Variants in MIS18A observed in about 807,000 individuals in gnomAD.
MIS18A encodes the protein MIS18 kinetochore protein A.
Under a neutral mutation model 25.0 loss-of-function variants are expected in MIS18A, and 14 were observed. The observed-to-expected ratio is 0.56, with a 90% CI of 0.37 to 0.88. MIS18A has a LOEUF of 0.88. Ranked by LOEUF, MIS18A falls within the 40% of genes least tolerant of loss-of-function variation. The pLI, the probability that MIS18A is intolerant of heterozygous loss-of-function variation, is 0.00. For synonymous variants in MIS18A, 134 were observed against 118.6 expected, an observed-to-expected ratio of 1.13 and a Z score of -0.84; for missense variants, 292 against 290.8, an observed-to-expected ratio of 1.00 and a Z score of -0.03.
At chr21:32,201,252 A>G in the MIS18A span, among the ~76,000 whole-genome samples, 2 of 151,956 alleles carry the variant, frequency 1.3e-5, no homozygotes, top group Non-Finnish European at 2.9e-5. Context: ...TGACCAAAAC[A>G]CTTCCCACCA....
chr21:32,266,245 T>C (rs2031597823), downstream of MIS18A, among the ~76,000 whole-genome samples: 1 of 152,178 alleles, frequency 6.6e-6, no homozygotes, highest in South Asian at 2.1e-4. Flanking sequence ...ATCTAACTAA[T>C]CTGATGGGGA....
the MIS18A span, among the ~76,000 whole-genome samples, chr21:32,226,759 T>C: frequency 2.0e-5 from 3 of 152,276 alleles, no homozygotes; most frequent in East Asian, 1.9e-4. Flanking sequence ...CTAGACCTAA[T>C]AGACATCTAC....
chr21:32,181,770 G>A, the MIS18A span, among the ~76,000 whole-genome samples: 1 of 152,158 alleles, frequency 6.6e-6, no homozygotes, highest in Non-Finnish European at 1.5e-5. Context: ...GGAGATCTCT[G>A]TGCACATCTG....
chr21:32,191,038 T>C, the MIS18A span, among the ~76,000 whole-genome samples: 1 of 152,220 alleles, frequency 6.6e-6, no homozygotes, highest in Admixed American at 6.5e-5. Flanking sequence ...ATATTTTGAA[T>C]GTGTAACCTG....
chr21:32,232,174 T>A, the MIS18A span, among the ~76,000 whole-genome samples: 4 of 152,108 alleles, frequency 2.6e-5, no homozygotes, highest in African/African-American at 9.7e-5. Context: ...TAGCTATATA[T>A]CTAGATATTT....
chr21:32,195,035 C>G, the MIS18A span, among the ~76,000 whole-genome samples: 1 of 151,950 alleles, frequency 6.6e-6, no homozygotes, highest in East Asian at 1.9e-4. Context: ...AACCCTAAAC[C>G]CATTTAAGAG....
At chr21:32,277,630 T>C (rs2031839930) in intron 1 of MIS18A, among the ~76,000 whole-genome samples, 1 of 152,166 alleles carries the variant, frequency 6.6e-6, no homozygotes, top group South Asian at 2.1e-4. Flanking sequence ...TTTTTTATTT[T>C]GGCGAGGCTG....
the MIS18A span, among the ~76,000 whole-genome samples, chr21:32,173,790 C>T: frequency 2.6e-4 from 39 of 151,888 alleles, no homozygotes; most frequent in South Asian, 5.8e-3. Flanking sequence ...TGACTGCTAA[C>T]GGATATGGGG....
the MIS18A span, among the ~76,000 whole-genome samples, chr21:32,178,036 T>A: frequency 8.5e-5 from 13 of 152,168 alleles, no homozygotes; most frequent in African/African-American, 3.1e-4. Flanking sequence ...CTCCTCAGCA[T>A]CCTGAGTAGC....
At chr21:32,232,412 T>C in the MIS18A span, among the ~76,000 whole-genome samples, 2 of 150,744 alleles carry the variant, frequency 1.3e-5, no homozygotes, top group African/African-American at 4.9e-5. Flanking sequence ...TTATATTACA[T>C]ATATCTTTAT....
the MIS18A span, among the ~76,000 whole-genome samples, chr21:32,173,076 A>G: frequency 1.8e-5 from 2 of 109,506 alleles, no homozygotes; most frequent in Non-Finnish European, 1.8e-5. Flanking sequence ...TGATTATGAC[A>G]CCAAAGCATA....
the MIS18A span, among the ~76,000 whole-genome samples, chr21:32,216,747 A>G: frequency 2.6e-5 from 4 of 152,354 alleles, no homozygotes; most frequent in South Asian, 8.3e-4. Context: ...AGGCTAAGGC[A>G]GAGTTTTTAA....
chr21:32,269,218 T>C (rs2031668741), intron 4 of MIS18A, 101 bp from the exon 5 acceptor site: 1 of 857,988 alleles, frequency 1.2e-6, no homozygotes, highest in Non-Finnish European at 1.8e-6. Flanking sequence ...CAATTTTGGA[T>C]ATGTCATACA....
the MIS18A span, among the ~76,000 whole-genome samples, chr21:32,234,300 C>T: frequency 6.6e-6 from 1 of 152,188 alleles, no homozygotes; most frequent in Non-Finnish European, 1.5e-5. Context: ...AGTCCTGATG[C>T]TGAGGATGCT....
chr21:32,203,682 T>A, the MIS18A span, among the ~76,000 whole-genome samples: 1 of 146,548 alleles, frequency 6.8e-6, no homozygotes, highest in Admixed American at 7.0e-5. Flanking sequence ...TGCAGTGGCA[T>A]GATCACAGCT....
At chr21:32,158,526 G>A in the MIS18A span, among the ~76,000 whole-genome samples, 10 of 150,604 alleles carry the variant, frequency 6.6e-5, no homozygotes, top group South Asian at 4.2e-4. Context: ...CCAGGCTGGC[G>A]TTCAATGACA....
the MIS18A span, among the ~76,000 whole-genome samples, chr21:32,203,921 G>A: frequency 6.6e-6 from 1 of 151,994 alleles, no homozygotes; most frequent in Admixed American, 6.6e-5. Context: ...GCCCAGCCCA[G>A]CAAATTTTTT....
At chr21:32,188,918 A>G in the MIS18A span, among the ~76,000 whole-genome samples, 2 of 152,220 alleles carry the variant, frequency 1.3e-5, no homozygotes, top group African/African-American at 4.8e-5. Context: ...AGGCCACCAA[A>G]TCAATGGATA....
the MIS18A span, among the ~76,000 whole-genome samples, chr21:32,242,685 C>T: frequency 6.6e-6 from 1 of 152,134 alleles, no homozygotes; most frequent in Non-Finnish European, 1.5e-5. Context: ...TATGATTGAG[C>T]ACCTGCTATG....
Sources: gnomAD v4.1 joint callset for allele counts (sites outside exome capture counted in the v4.1 genomes callset) on GRCh38, gnomAD v4.1.1 for gene constraint, MANE v1.5 for transcripts, NCBI Gene and HGNC (gene_info 2026-07-23, HGNC 2026-07-21) for gene names.